The following ZNF638 variants were observed in gnomAD, a reference collection of about 807,000 sequenced individuals.
ZNF638 encodes the protein zinc finger protein 638, also known as CTCL tumor antigen se33-1.
A neutral mutation model predicts 195.6 loss-of-function variants in ZNF638; 46 were observed. The observed-to-expected ratio is 0.24, with a 90% CI of 0.19 to 0.30. The LOEUF (loss-of-function observed/expected upper bound fraction) is 0.30. Ranked by LOEUF, ZNF638 falls within the 10% of genes least tolerant of loss-of-function variation. The pLI, the probability that ZNF638 is intolerant of heterozygous loss-of-function variation, is 1.00. For synonymous variants in ZNF638, 845 were observed against 772.0 expected, an observed-to-expected ratio of 1.09 and a Z score of -1.57; for missense variants, 2,440 against 2,325.3, an observed-to-expected ratio of 1.05 and a Z score of -1.01.
Position 71,355,796 on chromosome 2 carries a change from T to C in ZNF638, c.1379+16T>C. Reference sequence around the variant, plus strand: ...TACGTCAACAGTAAGAATATATTTTTCCTTTATTATAGATAGCATATTTAC... The same window carrying C: ...TACGTCAACAGTAAGAATATATTTTCCCTTTATTATAGATAGCATATTTAC... On this transcript the variant is annotated intron_variant, in intron 3 of 27. Coordinates refer to ENST00000264447, the MANE Select transcript of ZNF638 (RefSeq NM_014497.5). 9 of 1,512,498 alleles carry C rather than the reference T, an allele frequency of 6.0e-6. No homozygotes were observed. Among genetic ancestry groups the C allele is most frequent in the Non-Finnish European group, 8.2e-6 (9 of 1,104,256 alleles). 93.7% of individuals were successfully genotyped at this position (1,512,498 alleles called of 1,614,324 possible). A position where few individuals can be genotyped will look rare whatever the true frequency, so the allele number is the denominator to read the frequency against.
At chr2:71,424,522 A>G in intron 22 of ZNF638, 128 bp from the exon 23 acceptor site, 1 of 706,644 alleles carries the variant, frequency 1.4e-6, no homozygotes, top group Admixed American at 2.8e-5. Context: ...TACATGTTAA[A>G]TAATTTGCAT....
intron 10 of ZNF638, among the ~76,000 whole-genome samples, chr2:71,392,150 T>C (rs1284857139): frequency 6.6e-6 from 1 of 152,244 alleles, no homozygotes; most frequent in Non-Finnish European, 1.5e-5. Context: ...TTGCTCCATC[T>C]CTAGATTTTC....
At chr2:71,397,609 C>G (rs1321556572) in intron 11 of ZNF638, among the ~76,000 whole-genome samples, 1 of 152,086 alleles carries the variant, frequency 6.6e-6, no homozygotes, top group Non-Finnish European at 1.5e-5. Context: ...CTGTTCGTGC[C>G]CCAAAGCTTC....
chr2:71,384,081 C>T (rs1163713618), intron 10 of ZNF638, among the ~76,000 whole-genome samples: 1 of 152,122 alleles, frequency 6.6e-6, no homozygotes, highest in Non-Finnish European at 1.5e-5. Flanking sequence ...CAACATAATT[C>T]AGATTTAGAT....
At chr2:71,431,987 C>G (rs1240032780) in intron 26 of ZNF638, among the ~76,000 whole-genome samples, 4 of 152,160 alleles carry the variant, frequency 2.6e-5, no homozygotes, top group African/African-American at 4.8e-5. Flanking sequence ...TTCTTTGCCA[C>G]TCTGGTGAGA....
In ZNF638 at chr2:71,349,492, C is replaced by A. The variant is rs372666365; in HGVS notation, c.538C>A (p.Arg180=). The A allele has an allele frequency of 1.6e-5, 26 of 1,613,912 alleles. No individual in the cohort carries two copies. In the African/African-American group the frequency reaches 3.1e-4, roughly 19 times the overall value. ...ATTAATTTTGAGGGATATAAGAATG[C>A]GAAAAATGGGGCGCCGATTACCTAA... ...MPLILRDIRM[R]KMGRRLPNLP... Residue 180 remains arginine, a synonymous_variant, in exon 2 of 28, where the codon CGA becomes AGA. Coordinates refer to ENST00000264447, the MANE Select transcript of ZNF638 (RefSeq NM_014497.5).
At chr2:71,401,832 T>A (rs1262386938) in intron 15 of ZNF638, 124 bp from the exon 16 acceptor site, 1 of 843,218 alleles carries the variant, frequency 1.2e-6, no homozygotes, top group African/African-American at 1.7e-5. Context: ...GCCTCTTGAG[T>A]TTATCAGACT....
intron 8 of ZNF638, among the ~76,000 whole-genome samples, chr2:71,377,401 A>G (rs2079450972): frequency 6.6e-6 from 1 of 152,240 alleles, no homozygotes; most frequent in African/African-American, 2.4e-5. Flanking sequence ...TCATGGGGAC[A>G]TTACAATTAA....
intron 8 of ZNF638, among the ~76,000 whole-genome samples, chr2:71,373,711 C>T (rs376352483): frequency 1.3e-5 from 2 of 151,676 alleles, no homozygotes; most frequent in African/African-American, 4.8e-5. Flanking sequence ...AGCCACCTCG[C>T]CCGGCCAAGT....
chr2:71,428,314 A>G (rs2080581764), intron 24 of ZNF638, among the ~76,000 whole-genome samples: 1 of 152,252 alleles, frequency 6.6e-6, no homozygotes, highest in Non-Finnish European at 1.5e-5. Context: ...AAAAGAAGTT[A>G]GAAAAGCATA....
chr2:71,423,562 A>G lies in ZNF638; in HGVS notation c.4048A>G (p.Lys1350Glu). 6.2e-7 allele frequency: 1 copy of G among 1,614,074 alleles called. No individual in the cohort carries two copies. The highest frequency in any genetic ancestry group is 2.2e-5 in the East Asian group (1 of 44,880). The change falls in exon 22 of 28, where the codon AAA (lysine) becomes GAA (glutamate). Residue 1350 changes from lysine to glutamate, a missense_variant. Around this residue, in one of 5 missense-constraint regions of ZNF638, gnomAD observed 1,883 missense variants for 1,739.1 expected, o/e 1.08. Transcript: ENST00000264447. ...AEKVEKMAAM[K>E]EKPAENTLFK... ...AAAGGTGGAAAAGATGGCAGCAATG[A>G]AAGAAAAGCCTGCAGAAAACACTTT...
chr2:71,353,848 GTGTC>G (rs1211084373), intron 2 of ZNF638, among the ~76,000 whole-genome samples: 1 of 152,214 alleles, frequency 6.6e-6, no homozygotes, highest in Non-Finnish European at 1.5e-5. Flanking sequence ...CTGCACCAGT[GTGTC>G]TGTTTGATGT....
chr2:71,393,254 A>G (rs777477159), intron 10 of ZNF638: 4 of 598,860 alleles, frequency 6.7e-6, no homozygotes, highest in Admixed American at 3.0e-5. Context: ...TCAATCAACT[A>G]TAGAAAAGCA....
intron 1 of ZNF638, 118 bp downstream of exon 1, chr2:71,331,993 C>T (rs1405287000): frequency 5.3e-6 from 5 of 937,090 alleles, no homozygotes; most frequent in Non-Finnish European, 6.4e-6. Context: ...GCAGCGGCTC[C>T]GCACAAAATG....
Position 71,349,230 on chromosome 2 carries a change from A to T in ZNF638, c.276A>T (p.Ala92=), listed in dbSNP as rs775536403. 6.2e-7 allele frequency: 1 copy of T among 1,614,222 alleles called. No homozygotes were observed. The highest frequency in any genetic ancestry group is 8.5e-7 in the Non-Finnish European group (1 of 1,180,044). The change falls in exon 2 of 28, where the codon GCA becomes GCT. Residue 92 remains alanine, a synonymous_variant. Transcript: ENST00000264447. ...LTKEKLDFHE[A]QQKKGKPHGS... is the part of the protein sequence containing the mutation. The stretch of plus-strand genomic sequence containing the variant: ...AAGAAAAACTGGATTTTCATGAAGC[A>T]CAACAGAAGAAGGGGAAGCCTCATG...
At chr2:71,350,355 AC>A in intron 2 of ZNF638, 84 bp downstream of exon 2, 1 of 1,350,604 alleles carries the variant, frequency 7.4e-7, no homozygotes, top group Non-Finnish European at 1.0e-6. Context: ...CTGCTTGTTA[AC>A]TAGGCGTTAA....
chr2:71,351,156 T>G (rs750120490), intron 2 of ZNF638, among the ~76,000 whole-genome samples: 3 of 152,204 alleles, frequency 2.0e-5, no homozygotes, highest in Non-Finnish European at 4.4e-5. Context: ...GGGAAAAAGC[T>G]TTGATTCAAG....
At chr2:71,365,973 C>T (rs1463693870) in intron 6 of ZNF638, among the ~76,000 whole-genome samples, 2 of 152,200 alleles carry the variant, frequency 1.3e-5, no homozygotes, top group African/African-American at 4.8e-5. Context: ...TCCACGTCAG[C>T]TTCCCTAAGT....
At chr2:71,369,848 A>G (rs957553135) in intron 7 of ZNF638, 35 bp from the exon 8 acceptor site, 21 of 1,549,520 alleles carry the variant, frequency 1.4e-5, no homozygotes, top group Non-Finnish European at 1.7e-5. Flanking sequence ...TTAAAGATAG[A>G]TTTGTGACTA....
Sources: allele counts gnomAD v4.1 joint callset (sites outside exome capture counted in the v4.1 genomes callset), GRCh38; gene constraint gnomAD v4.1.1; regional missense constraint gnomAD v4.1.1; transcripts MANE v1.5; gene names NCBI Gene and HGNC (gene_info 2026-07-23, HGNC 2026-07-21).